The following SMPX variants were observed in gnomAD, a reference collection of about 807,000 sequenced individuals.
The protein encoded by SMPX is small muscle protein X-linked, also known as small muscular protein.
SMPX carries 2 observed loss-of-function variants against 6.3 expected under a neutral mutation model. The ratio of observed to expected loss-of-function variants is 0.32; its 90% confidence interval spans 0.13 to 0.99. The LOEUF is 0.99. SMPX is among the 50% of genes least tolerant of loss of function. The pLI is 0.49. For missense variants in SMPX, 60 were observed against 66.8 expected, an observed-to-expected ratio of 0.90 and a Z score of 0.36; for synonymous variants, 32 against 24.7, an observed-to-expected ratio of 1.30 and a Z score of -0.88.
intron 1 of SMPX, among the ~76,000 whole-genome samples, chrX:21,756,671 G>C (rs777862037): frequency 8.9e-6 from 1 of 112,629 alleles, no homozygotes; most frequent in Non-Finnish European, 1.9e-5. Context: ...CAGGGATGTA[G>C]AGTGCGGAAC....
At chrX:21,711,026 C>T (rs1166584602) in intron 4 of SMPX, among the ~76,000 whole-genome samples, 1 of 111,845 alleles carries the variant, frequency 8.9e-6, no homozygotes, top group East Asian at 2.8e-4. Flanking sequence ...TTCAAGAAGG[C>T]CCAACATGCC....
At chrX:21,750,606 G>A (rs1412109545) in intron 2 of SMPX, among the ~76,000 whole-genome samples, 1 of 112,511 alleles carries the variant, frequency 8.9e-6, no homozygotes, top group East Asian at 2.8e-4. Context: ...CCCGGGCTAA[G>A]AAAGAATCAA....
intron 4 of SMPX, among the ~76,000 whole-genome samples, chrX:21,718,495 T>C (rs937517685): frequency 2.7e-5 from 3 of 112,129 alleles, no homozygotes; most frequent in African/African-American, 9.7e-5. Flanking sequence ...CTTTGAGCAG[T>C]AAATCCAAGA....
intron 4 of SMPX, among the ~76,000 whole-genome samples, chrX:21,725,986 G>A (rs1294172595): frequency 8.9e-6 from 1 of 111,765 alleles, no homozygotes. Context: ...GGACAGCGAA[G>A]GGAATGAAGA....
chrX:21,710,285 C>CT (rs894354213), intron 4 of SMPX, among the ~76,000 whole-genome samples: 1 of 111,967 alleles, frequency 8.9e-6, no homozygotes, highest in African/African-American at 3.3e-5. Flanking sequence ...GGTCATTATT[C>CT]TAAGTGAAGT....
chrX:21,714,898 A>G, intron 4 of SMPX, among the ~76,000 whole-genome samples: 1 of 111,770 alleles, frequency 8.9e-6, no homozygotes, highest in Non-Finnish European at 1.9e-5. Flanking sequence ...ATAATTATAC[A>G]TTTCATGCAA....
chrX:21,726,606 G>T (rs1260288890), intron 4 of SMPX, among the ~76,000 whole-genome samples: 3 of 111,697 alleles, frequency 2.7e-5, no homozygotes, highest in Non-Finnish European at 5.6e-5. Context: ...TGGAACTATC[G>T]GTGCCTGTTG....
intron 4 of SMPX, among the ~76,000 whole-genome samples, chrX:21,733,364 T>C (rs1482297801): frequency 8.9e-6 from 1 of 112,433 alleles, no homozygotes. Flanking sequence ...TTCCTAATGA[T>C]GAATGGGGAT....
At chrX:21,749,142 T>C (rs1164213054) in intron 2 of SMPX, among the ~76,000 whole-genome samples, 1 of 112,152 alleles carries the variant, frequency 8.9e-6, no homozygotes, top group Non-Finnish European at 1.9e-5. Flanking sequence ...TGGGTAGCAA[T>C]GGAAAACTTC....
rs372547272 is a variant in SMPX, at chrX:21,743,783, G to C, written c.99C>G (p.Pro33=). ...GAFRPGAGQP[P]RRKECTPEVE... ...CTTCAGGAGTACATTCTTTTCTTCT[G>C]GGGGGTTGACCTGCTCCTGGCCGAA... Residue 33 remains proline, a synonymous_variant, in exon 3 of 5, where the codon CCC becomes CCG. Coordinates refer to ENST00000379494, the MANE Select transcript of SMPX (RefSeq NM_014332.3). The C allele has an allele frequency of 1.7e-6, 2 of 1,208,638 alleles. No homozygotes were observed. The highest frequency in any genetic ancestry group is 3.5e-5 in the African/African-American group (2 of 57,665).
intron 4 of SMPX, among the ~76,000 whole-genome samples, chrX:21,737,114 T>C (rs987629108): frequency 2.7e-5 from 3 of 111,163 alleles, no homozygotes; most frequent in Non-Finnish European, 5.7e-5. Context: ...TCTCTGCCTC[T>C]TTATACTCCC....
intron 4 of SMPX, among the ~76,000 whole-genome samples, chrX:21,733,487 G>A (rs2092807147): frequency 8.9e-6 from 1 of 111,935 alleles, no homozygotes; most frequent in Admixed American, 9.5e-5. Flanking sequence ...CAATCATGAA[G>A]TCTGACTGCC....
At chrX:21,724,880 A>G (rs1004838379) in intron 4 of SMPX, among the ~76,000 whole-genome samples, 6 of 112,350 alleles carry the variant, frequency 5.3e-5, no homozygotes, top group African/African-American at 1.9e-4. Flanking sequence ...GAGAATGGAC[A>G]TGGAAGGATT....
intron 3 of SMPX, among the ~76,000 whole-genome samples, chrX:21,738,226 T>C: frequency 8.9e-6 from 1 of 111,901 alleles, no homozygotes; most frequent in Middle Eastern, 4.6e-3. Context: ...TATCATTGAA[T>C]GTTATATTTT....
intron 3 of SMPX, among the ~76,000 whole-genome samples, chrX:21,738,643 T>C (rs980175702): frequency 9.0e-6 from 1 of 110,647 alleles, no homozygotes; most frequent in Non-Finnish European, 1.9e-5. Flanking sequence ...AGAGGATAAT[T>C]GAATGAGGGC....
chrX:21,743,805 C>T lies in SMPX; in HGVS notation c.77G>A (p.Arg26Gln), dbSNP rs376846054. ...TCTGGGGGGTTGACCTGCTCCTGGCCGAAAGGCTCCCATTGGAATATTGAT... is the reference window on the plus strand; with the variant it reads ...TCTGGGGGGTTGACCTGCTCCTGGCTGAAAGGCTCCCATTGGAATATTGAT... ...ANINIPMGAF[R>Q]PGAGQPPRRK... The change falls in exon 3 of 5, where the codon CGG (arginine) becomes CAG (glutamine). Residue 26 changes from arginine to glutamine, a missense_variant. Physicochemically the swap from Arg to Gln is conservative, Grantham distance 43. Transcript: ENST00000379494. The T allele has an allele frequency of 2.5e-6, 3 of 1,205,846 alleles. No homozygotes were observed. The highest frequency in any genetic ancestry group is 3.4e-6 in the Non-Finnish European group (3 of 892,256).
At chrX:21,749,184 T>C (rs2092824748) in intron 2 of SMPX, among the ~76,000 whole-genome samples, 1 of 112,504 alleles carries the variant, frequency 8.9e-6, no homozygotes, top group African/African-American at 3.2e-5. Flanking sequence ...TCACTAATGA[T>C]GCAGGATTCA....
chrX:21,715,750 G>C (rs1261417805), intron 4 of SMPX, among the ~76,000 whole-genome samples: 1 of 111,010 alleles, frequency 9.0e-6, no homozygotes, highest in Non-Finnish European at 1.9e-5. Context: ...CCCGTGGTGG[G>C]CATTTGGCAC....
chrX:21,707,267 A>C (rs2092774007), intron 4 of SMPX, among the ~76,000 whole-genome samples: 1 of 111,074 alleles, frequency 9.0e-6, no homozygotes, highest in African/African-American at 3.3e-5. Flanking sequence ...TTTTCATGAG[A>C]TATGTTAGGG....
Sources: gnomAD v4.1 joint callset for allele counts (sites outside exome capture counted in the v4.1 genomes callset) on GRCh38, gnomAD v4.1.1 for gene constraint, MANE v1.5 for transcripts, NCBI Gene and HGNC (gene_info 2026-07-23, HGNC 2026-07-21) for gene names.